CCDC122: variants seen among roughly 807,000 people sequenced by gnomAD.
The protein encoded by CCDC122 is coiled-coil domain-containing protein 122.
CCDC122 carries 38 observed loss-of-function variants against 37.0 expected under a neutral mutation model. The ratio of observed to expected loss-of-function variants is 1.03; its 90% CI spans 0.79 to 1.35. CCDC122 has a LOEUF of 1.35. Ranked by LOEUF, CCDC122 falls within the 40% of genes most tolerant of loss-of-function variation. The pLI, the probability that CCDC122 is intolerant of heterozygous loss-of-function variation, is 0.00. For synonymous variants in CCDC122, 83 were observed against 95.6 expected, an observed-to-expected ratio of 0.87 and a Z score of 0.77; for missense variants, 305 against 310.0, an observed-to-expected ratio of 0.98 and a Z score of 0.12.
intron 1 of CCDC122, chr13:43,878,261 C>T (rs1566958751): frequency 1.3e-5 from 2 of 152,248 alleles, no homozygotes; most frequent in African/African-American, 2.4e-5. Flanking sequence ...ATGGCAAAAA[C>T]CGCAATTACC....
chr13:43,850,010 G>C (rs565309012), intron 6 of CCDC122, among the ~76,000 whole-genome samples: 2 of 152,334 alleles, frequency 1.3e-5, no homozygotes, highest in Admixed American at 6.5e-5. Context: ...CTGGTAGAGA[G>C]TCAGGACTTT....
chr13:43,878,223 G>A, intron 1 of CCDC122: 1 of 151,920 alleles, frequency 6.6e-6, no homozygotes, highest in East Asian at 1.9e-4. Context: ...GTATTAAGCT[G>A]GTGCAAAAGT....
At position 43,869,446 on chromosome 13, in the gene CCDC122, G is replaced by A; in HGVS notation, c.-70C>T. The stretch of plus-strand genomic sequence containing the variant: ...TTACTCCTACTCAATAATCTATATT[G>A]ATAATCTTTCACTTTTGTTTTTTCC... On this transcript the variant is annotated 5_prime_UTR_variant, in exon 3 of 7. Transcript: ENST00000444614. The A allele has an allele frequency of 7.8e-7, 1 of 1,275,330 alleles. No homozygotes were observed. The highest frequency in any genetic ancestry group is 1.1e-6 in the Non-Finnish European group (1 of 905,560). 79.0% of individuals were successfully genotyped at this position (1,275,330 alleles called of 1,614,324 possible). A position where few individuals can be genotyped will look rare whatever the true frequency, so the allele number is the denominator to read the frequency against.
At chr13:43,829,103 A>G (rs2153868195) in intron 3 of CCDC122, among the ~76,000 whole-genome samples, 1 of 152,334 alleles carries the variant, frequency 6.6e-6, no homozygotes, top group Middle Eastern at 3.4e-3. Context: ...TGACAAAAAT[A>G]CTGTTAAAGT....
chr13:43,859,641 A>T (rs757815089), intron 5 of CCDC122, 31 bp downstream of exon 5: 3 of 1,449,036 alleles, frequency 2.1e-6, no homozygotes, highest in Non-Finnish European at 2.7e-6. Flanking sequence ...GAGTAATAGA[A>T]AAAATAGTTT....
At chr13:43,828,757 G>A (rs1314898388) in intron 3 of CCDC122, among the ~76,000 whole-genome samples, 1 of 152,082 alleles carries the variant, frequency 6.6e-6, no homozygotes, top group Admixed American at 6.5e-5. Flanking sequence ...ATCAGTGTGA[G>A]ACAAATTTAA....
At chr13:43,830,284 G>A (rs1027586267) in intron 3 of CCDC122, among the ~76,000 whole-genome samples, 3 of 152,178 alleles carry the variant, frequency 2.0e-5, no homozygotes, top group South Asian at 4.1e-4. Context: ...ACCGATCTTG[G>A]GTAAGGGAGG....
chr13:43,859,771 G>A lies in CCDC122; in HGVS notation c.456C>T (p.Leu152=). Reference sequence around the variant, plus strand: ...TTTTAACAAAATCTCGCTTTTCATGGAGTTCAGTCATAAATGACCATTTGC... The same window carrying A: ...TTTTAACAAAATCTCGCTTTTCATGAAGTTCAGTCATAAATGACCATTTGC... ...VESKWSFMTE[L]HEKRDFVKKL... is the part of the protein sequence containing the mutation. Residue 152 remains leucine (L), a synonymous_variant, in exon 5 of 7, where the codon CTC becomes CTT. Transcript: ENST00000444614. 1.2e-6 allele frequency: 2 copies of A among 1,600,114 alleles called. No homozygotes were observed. Among genetic ancestry groups the A allele is most frequent in the Non-Finnish European group, 1.7e-6 (2 of 1,175,778 alleles).
downstream of CCDC122, among the ~76,000 whole-genome samples, chr13:43,822,593 AAC>A (rs1566936372): frequency 6.6e-6 from 1 of 152,206 alleles, no homozygotes; most frequent in Non-Finnish European, 1.5e-5. Context: ...TAGAGTCAAA[AAC>A]CTTAGAAATT....
intron 6 of CCDC122, among the ~76,000 whole-genome samples, chr13:43,853,219 T>C (rs2079149891): frequency 6.6e-6 from 1 of 152,062 alleles, no homozygotes; most frequent in African/African-American, 2.4e-5. Flanking sequence ...TAAGACCCAT[T>C]GGTATGCTGT....
chr13:43,853,377 AT>A (rs1566946537), intron 6 of CCDC122, among the ~76,000 whole-genome samples: 1 of 152,240 alleles, frequency 6.6e-6, no homozygotes, highest in Non-Finnish European at 1.5e-5. Context: ...ACCAGCAAAG[AT>A]TTAAAAAGAA....
intron 4 of CCDC122, among the ~76,000 whole-genome samples, chr13:43,866,962 T>C (rs954165902): frequency 2.0e-5 from 3 of 152,156 alleles, no homozygotes; most frequent in Non-Finnish European, 4.4e-5. Flanking sequence ...ACCAGTACCA[T>C]CCTGAATAGA....
At chr13:43,851,508 AC>A (rs1401377558) in intron 6 of CCDC122, among the ~76,000 whole-genome samples, 1 of 151,862 alleles carries the variant, frequency 6.6e-6, no homozygotes, top group Non-Finnish European at 1.5e-5. Context: ...ATCAGCAGGG[AC>A]CCCCTGTCTC....
At chr13:43,822,549 T>G (rs573473971), downstream of CCDC122, among the ~76,000 whole-genome samples, 1 of 152,228 alleles carries the variant, frequency 6.6e-6, no homozygotes, top group Non-Finnish European at 1.5e-5. Context: ...CAGGCCCCAG[T>G]TGGGTCCAAA....
At position 43,876,968 on chromosome 13, in the gene CCDC122, G is replaced by A. The variant is rs376787416; in HGVS notation, c.-199-2041C>T. Among the ~76,000 whole-genome samples, 16 of 152,108 alleles carry A rather than the reference G, an allele frequency of 1.1e-4. No individual in the cohort carries two copies. In the East Asian group the frequency reaches 1.2e-3, roughly 11 times the overall value. On this transcript the variant is annotated intron_variant, in intron 1 of 6. Coordinates refer to ENST00000444614, the MANE Select transcript of CCDC122 (RefSeq NM_144974.5). ...TCTACTAAAAATACAAAAATTAGCC[G>A]GGCGTGGTGGTGCACGCCTGTAATC...
intron 6 of CCDC122, among the ~76,000 whole-genome samples, chr13:43,851,315 T>C (rs916698564): frequency 1.3e-5 from 2 of 152,242 alleles, no homozygotes; most frequent in Admixed American, 1.3e-4. Context: ...AGCTAAAAAG[T>C]ACAAAATTCT....
At chr13:43,823,034 C>T (rs1953006952), downstream of CCDC122, among the ~76,000 whole-genome samples, 1 of 152,122 alleles carries the variant, frequency 6.6e-6, no homozygotes, top group Non-Finnish European at 1.5e-5. Flanking sequence ...GTAGTCACCA[C>T]AGCTGAGAAT....
Position 43,860,477 on chromosome 13 carries a change from T to C in CCDC122, c.157-407A>G, listed in dbSNP as rs140052060. On this transcript the variant is annotated intron_variant, in intron 4 of 6. Coordinates refer to ENST00000444614, the MANE Select transcript of CCDC122 (RefSeq NM_144974.5). ...CAGCACACTTATTGCTATTTACTAC[T>C]TCGTATGATCATGCATAACAAACTT... Among the ~76,000 whole-genome samples, 77 of 152,306 alleles carry C rather than the reference T, an allele frequency of 5.1e-4. 1 individual carries two copies. The highest frequency in any genetic ancestry group is 1.9e-3 in the South Asian group (9 of 4,826).
chr13:43,875,568 C>A (rs184787864), intron 1 of CCDC122, among the ~76,000 whole-genome samples: 1 of 152,222 alleles, frequency 6.6e-6, no homozygotes, highest in East Asian at 1.9e-4. Context: ...GGAGACTAAC[C>A]CATTATCTAC....
Sources: allele counts gnomAD v4.1 joint callset (sites outside exome capture counted in the v4.1 genomes callset), GRCh38; gene constraint gnomAD v4.1.1; transcripts MANE v1.5; gene names NCBI Gene and HGNC (gene_info 2026-07-23, HGNC 2026-07-21).